The following CACNA1B variants were observed in gnomAD, a reference collection of about 807,000 sequenced individuals.
CACNA1B encodes the protein calcium voltage-gated channel subunit alpha1 B.
Under a neutral mutation model 247.2 loss-of-function variants are expected in CACNA1B, and 70 were observed. The observed-to-expected ratio is 0.28, with a 90% CI of 0.23 to 0.35. The LOEUF is 0.35. Among genes scored for constraint, CACNA1B ranks in the 10% least tolerant of loss-of-function variants. The pLI is 1.00. For synonymous variants in CACNA1B, 1,231 were observed against 1,294.4 expected, an observed-to-expected ratio of 0.95 and a Z score of 1.05; for missense variants, 2,367 against 3,197.4, an observed-to-expected ratio of 0.74 and a Z score of 6.26.
chr9:138,005,995 A>G (rs1331751156), intron 15 of CACNA1B, among the ~76,000 whole-genome samples: 2 of 145,920 alleles, frequency 1.4e-5, no homozygotes, highest in African/African-American at 5.0e-5. Flanking sequence ...GTGAGCCGAG[A>G]TTGCACCACT....
chr9:138,037,673 A>G (rs998030685), intron 20 of CACNA1B, among the ~76,000 whole-genome samples: 3 of 142,334 alleles, frequency 2.1e-5, no homozygotes, highest in Non-Finnish European at 4.8e-5. Context: ...AAAACAAACA[A>G]AAAAAAAAAG....
intron 6 of CACNA1B, among the ~76,000 whole-genome samples, chr9:137,922,169 G>T (rs112982211): frequency 2.5e-5 from 3 of 118,046 alleles, no homozygotes. Context: ...ACACCACACC[G>T]CACAGCATCC....
At chr9:137,901,686 A>ATT (rs57624388) in intron 3 of CACNA1B, among the ~76,000 whole-genome samples, 46 of 112,380 alleles carry the variant, frequency 4.1e-4, no homozygotes, top group Non-Finnish European at 6.0e-4. Flanking sequence ...TTTTTTTGTG[A>ATT]TTTTTTTTTT....
intron 6 of CACNA1B, among the ~76,000 whole-genome samples, chr9:137,939,035 A>C (rs1473182469): frequency 1.3e-5 from 2 of 152,000 alleles, no homozygotes; most frequent in East Asian, 1.9e-4. Flanking sequence ...GTGCCATTGC[A>C]CTCCAGCCTG....
At chr9:138,062,554 T>A (rs1362737752) in intron 31 of CACNA1B, among the ~76,000 whole-genome samples, 2 of 152,174 alleles carry the variant, frequency 1.3e-5, no homozygotes, top group Non-Finnish European at 2.9e-5. Context: ...GATGCTTTGG[T>A]GTCATAGACA....
chr9:137,879,063 G>A lies in CACNA1B; in HGVS notation c.294G>A (p.Glu98=), dbSNP rs1333247407. The A allele has an allele frequency of 1.2e-6, 2 of 1,609,918 alleles. No individual in the cohort carries two copies. The highest frequency in any genetic ancestry group is 1.7e-6 in the Non-Finnish European group (2 of 1,177,356). Residue 98 remains glutamate, a synonymous_variant, in exon 2 of 47, where the codon GAG becomes GAA. Transcript: ENST00000371372. ...TCCTTAACTCACGCACTCCATTCGA[G>A]TATATGATCCTGGCCACCATCATCG... ...AKRITEWPPF[E]YMILATIIAN... is the part of the protein sequence containing the mutation.
Position 137,914,036 on chromosome 9 carries a change from C to A in CACNA1B, c.623-618C>A, listed in dbSNP as rs943186108. ...TCCTCACATGCTGTATGGCCAGTGG[C>A]AGAACATTCCCAGGGGCAGGTCTTT... On this transcript the variant is annotated intron_variant, in intron 4 of 46. Coordinates refer to ENST00000371372, the MANE Select transcript of CACNA1B (RefSeq NM_000718.4). This position sits in a 1 kb window ranked among gnomAD's most constrained non-coding sequence, Gnocchi z 4.3. Among the ~76,000 whole-genome samples the A allele has an allele frequency of 6.6e-5, 10 of 152,178 alleles. No homozygotes were observed. The highest frequency in any genetic ancestry group is 1.3e-4 in the Non-Finnish European group (9 of 68,028).
Position 138,058,099 on chromosome 9 carries a change from C to T in CACNA1B, c.4157C>T (p.Pro1386Leu). Residue 1386 changes from proline to leucine, a missense_variant, in exon 28 of 47, where the codon CCT becomes CTT. Pro to Leu is a moderately conservative substitution (Grantham distance 98, BLOSUM62 -3). Around this residue, in one of 12 missense-constraint regions of CACNA1B, gnomAD observed 436 missense variants for 679.5 expected, o/e 0.64. Transcript: ENST00000371372. The surrounding 1 kb of genome is among the most constrained non-coding windows in gnomAD (Gnocchi z 4.7). The stretch of plus-strand genomic sequence containing the variant: ...ACCTATGAGGAGCAGGGTCCAAGCC[C>T]TGGGTACCGCATGGAGCTGTCCATC... ...DATYEEQGPS[P>L]GYRMELSIFY... is the part of the protein sequence containing the mutation. 6.2e-7 allele frequency: 1 copy of T among 1,613,962 alleles called. No homozygotes were observed.
chr9:137,950,618 G>C lies in CACNA1B; in HGVS notation c.967-1656G>C, dbSNP rs997755482. The stretch of plus-strand genomic sequence containing the variant: ...AGCGTTTTCTGTGAGTTGTCTGAGA[G>C]CTCCCTGTCCTGCTAGGCTGCCTTG... On this transcript the variant is annotated intron_variant, in intron 6 of 46. Transcript: ENST00000371372. This position sits in a 1 kb window ranked among gnomAD's most constrained non-coding sequence, Gnocchi z 4.8. Among the ~76,000 whole-genome samples, 2 of 152,182 alleles carry C rather than the reference G, an allele frequency of 1.3e-5. No homozygotes were observed. The highest frequency in any genetic ancestry group is 2.9e-5 in the Non-Finnish European group (2 of 68,034).
chr9:137,917,063 C>G lies in CACNA1B; in HGVS notation c.776-178C>G, dbSNP rs1043545574. On this transcript the variant is annotated intron_variant, in intron 5 of 46. Coordinates refer to ENST00000371372, the MANE Select transcript of CACNA1B (RefSeq NM_000718.4). This position sits in a 1 kb window ranked among gnomAD's most constrained non-coding sequence, Gnocchi z 5.5. ...TGGTCACTCGTGAGCTCGGGGTCAG[C>G]AAGAGGCGATGCCTGATGCAGATTC... 1.3e-5 allele frequency among the ~76,000 whole-genome samples: 2 copies of G among 152,066 alleles called. No individual in the cohort carries two copies. Among genetic ancestry groups the G allele is most frequent in the African/African-American group, 4.8e-5 (2 of 41,404 alleles).
chr9:137,963,972 T>G (rs562088407), intron 10 of CACNA1B, among the ~76,000 whole-genome samples: 12 of 152,326 alleles, frequency 7.9e-5, no homozygotes, highest in African/African-American at 2.9e-4. Context: ...TGGCCAGATA[T>G]GAAATTCTGG....
chr9:137,881,733 C>G lies in CACNA1B; in HGVS notation c.391-1011C>G, dbSNP rs1307384430. 6.6e-6 allele frequency among the ~76,000 whole-genome samples: 1 copy of G among 152,240 alleles called. No individual in the cohort carries two copies. Among genetic ancestry groups the G allele is most frequent in the African/African-American group, 2.4e-5 (1 of 41,476 alleles). On this transcript the variant is annotated intron_variant, in intron 2 of 46. Coordinates refer to ENST00000371372, the MANE Select transcript of CACNA1B (RefSeq NM_000718.4). This position sits in a 1 kb window ranked among gnomAD's most constrained non-coding sequence, Gnocchi z 4.3. Reference sequence around the variant, plus strand: ...GGAGTCTTTGGGGTCTCCCTAAGCTCCACACAGCCCCATCTCCACCCTGTT... The same window carrying G: ...GGAGTCTTTGGGGTCTCCCTAAGCTGCACACAGCCCCATCTCCACCCTGTT...
At position 137,926,237 on chromosome 9, in the gene CACNA1B, T is replaced by G. The variant is rs138916275; in HGVS notation, c.966+8806T>G. 3.2e-3 allele frequency among the ~76,000 whole-genome samples: 481 copies of G among 151,832 alleles called. 4 individuals are homozygous for G. Among genetic ancestry groups the G allele is most frequent in the African/African-American group, 0.011 (461 of 41,410 alleles). ...GGCACCTGCCACAGTGCCCAGCTAA[T>G]TTTTGTATTTTTAGTAGAGATGGGG... On this transcript the variant is annotated intron_variant, in intron 6 of 46. Transcript: ENST00000371372.
At chr9:137,892,543 C>T (rs532677490) in intron 3 of CACNA1B, 68 of 367,998 alleles carry the variant, frequency 1.8e-4, no homozygotes, top group Non-Finnish European at 3.3e-4. Context: ...CTGTCATCAG[C>T]CTCTGGGCCT....
intron 39 of CACNA1B, among the ~76,000 whole-genome samples, chr9:138,108,808 C>T (rs1372317642): frequency 6.6e-6 from 1 of 152,208 alleles, no homozygotes; most frequent in Non-Finnish European, 1.5e-5. Flanking sequence ...GCCACCACGC[C>T]TGGCTAACTT....
In CACNA1B at chr9:138,023,215, C is replaced by G. The variant is rs765769256; in HGVS notation, c.2472C>G (p.Asp824Glu). ...DRPLVVELGR[D>E]GARGPVGGKA... ...CGCTGGTGGTGGAGCTGGGCCGCGA[C>G]GGCGCGCGGGGGCCCGTGGGAGGCA... The change falls in exon 19 of 47, where the codon GAC (aspartate) becomes GAG (glutamate). Residue 824 changes from aspartate (D) to glutamate (E), a missense_variant. Around this residue, in one of 12 missense-constraint regions of CACNA1B, gnomAD observed 631 missense variants for 631.1 expected, o/e 1.00. Coordinates refer to ENST00000371372, the MANE Select transcript of CACNA1B (RefSeq NM_000718.4). 2.0e-6 allele frequency: 3 copies of G among 1,511,954 alleles called. No homozygotes were observed. The highest frequency in any genetic ancestry group is 1.4e-5 in the African/African-American group (1 of 69,986). 93.7% of individuals were successfully genotyped at this position (1,511,954 alleles called of 1,614,324 possible).
At position 138,075,871 on chromosome 9, in the gene CACNA1B, A is replaced by C; in HGVS notation, c.4910A>C (p.Asn1637Thr). 1 of 1,612,860 alleles carries C rather than the reference A, an allele frequency of 6.2e-7. No homozygotes were observed. Among genetic ancestry groups the C allele is most frequent in the Non-Finnish European group, 8.5e-7 (1 of 1,179,384 alleles). ...DDDTSINRHN[N>T]FRTFLQALML... ...GACACCAGCATCAACCGCCACAACAACTTCCGGACGTTTTTGCAAGCCCTG... is the reference window on the plus strand; with the variant it reads ...GACACCAGCATCAACCGCCACAACACCTTCCGGACGTTTTTGCAAGCCCTG... Residue 1637 changes from asparagine to threonine, a missense_variant, in exon 35 of 47, where the codon AAC becomes ACC. Asn to Thr is a moderately conservative substitution (Grantham distance 65, BLOSUM62 0). Around this residue, in one of 12 missense-constraint regions of CACNA1B, gnomAD observed 436 missense variants for 679.5 expected, o/e 0.64. Transcript: ENST00000371372.
At chr9:138,098,972 C>T (rs1961150042) in intron 37 of CACNA1B, among the ~76,000 whole-genome samples, 1 of 152,256 alleles carries the variant, frequency 6.6e-6, no homozygotes, top group African/African-American at 2.4e-5. Context: ...GAGCAGAGCA[C>T]AGGGCACCTT....
chr9:138,111,503 C>T (rs778711743), intron 39 of CACNA1B, among the ~76,000 whole-genome samples: 108 of 151,712 alleles, frequency 7.1e-4, no homozygotes, highest in Non-Finnish European at 1.2e-3. Context: ...GACGAGGGGT[C>T]GACTCAAGGG....
Sources: allele counts gnomAD v4.1 joint callset (sites outside exome capture counted in the v4.1 genomes callset), GRCh38; gene constraint gnomAD v4.1.1; regional missense constraint gnomAD v4.1.1; non-coding constraint Gnocchi (gnomAD v3.1); transcripts MANE v1.5; gene names NCBI Gene and HGNC (gene_info 2026-07-23, HGNC 2026-07-21).